DSCAM: variants seen among roughly 807,000 people sequenced by gnomAD.
DSCAM encodes the protein DS cell adhesion molecule, also known as cell adhesion molecule DSCAM.
A neutral mutation model predicts 217.7 loss-of-function variants in DSCAM; 47 were observed. The observed-to-expected ratio is 0.22, with a 90% confidence interval of 0.17 to 0.28. The LOEUF is 0.28. Among genes scored for constraint, DSCAM ranks in the 10% least tolerant of loss-of-function variants. DSCAM has a pLI of 1.00. For synonymous variants in DSCAM, 1,056 were observed against 1,015.3 expected, an observed-to-expected ratio of 1.04 and a Z score of -0.76; for missense variants, 2,080 against 2,618.3, an observed-to-expected ratio of 0.79 and a Z score of 4.49.
chr21:40,088,896 ATGT>A (rs1163355611), intron 21 of DSCAM, among the ~76,000 whole-genome samples: 1 of 152,228 alleles, frequency 6.6e-6, no homozygotes, highest in African/African-American at 2.4e-5. Context: ...ATGCATTGGG[ATGT>A]TGTGTATGTG....
At position 40,042,492 on chromosome 21, in the gene DSCAM, C is replaced by A. The variant is rs189404834; in HGVS notation, c.5565G>T (p.Thr1855=). The change falls in exon 32 of 33, where the codon ACG becomes ACT. Residue 1855 remains threonine (T), a synonymous_variant. Transcript: ENST00000400454. Reference sequence around the variant, plus strand: ...AAGGGGTGCTGGAGGTCAGACTGTCCGTGTACTCATTTGTCCCTGCCGTCA... The same window carrying A: ...AAGGGGTGCTGGAGGTCAGACTGTCAGTGTACTCATTTGTCCCTGCCGTCA... The part of the protein sequence containing the change: ...EQLTAGTNEY[T]DSLTSSTPSE... 1.2e-6 allele frequency: 2 copies of A among 1,614,028 alleles called. No individual in the cohort carries two copies. Among genetic ancestry groups the A allele is most frequent in the African/African-American group, 2.7e-5 (2 of 74,904 alleles).
chr21:40,689,701 T>C (rs764368863), intron 3 of DSCAM, among the ~76,000 whole-genome samples: 1 of 152,176 alleles, frequency 6.6e-6, no homozygotes, highest in Non-Finnish European at 1.5e-5. Context: ...CAGGCTGGGA[T>C]GACTTGATAA....
intron 1 of DSCAM, among the ~76,000 whole-genome samples, chr21:40,801,972 G>T (rs2091745787): frequency 6.6e-6 from 1 of 152,120 alleles, no homozygotes; most frequent in African/African-American, 2.4e-5. Context: ...TCCTTACCAG[G>T]GTAATATCTA....
intron 24 of DSCAM, 106 bp downstream of exon 24, chr21:40,083,802 G>A: frequency 8.1e-6 from 6 of 736,920 alleles, no homozygotes; most frequent in Non-Finnish European, 1.3e-5. Flanking sequence ...GTATTTTTGG[G>A]GGAGAATAAA....
chr21:40,533,422 C>G (rs1031207520), intron 3 of DSCAM, among the ~76,000 whole-genome samples: 1 of 152,104 alleles, frequency 6.6e-6, no homozygotes, highest in Non-Finnish European at 1.5e-5. Context: ...ATCCACCTAT[C>G]TATTTCCCCA....
intron 3 of DSCAM, among the ~76,000 whole-genome samples, chr21:40,507,781 C>G (rs895318723): frequency 6.6e-6 from 1 of 152,086 alleles, no homozygotes; most frequent in Non-Finnish European, 1.5e-5. Flanking sequence ...CAGCAAGACT[C>G]TGTCTCAAAA....
chr21:40,359,945 C>T (rs2074739584), intron 4 of DSCAM, among the ~76,000 whole-genome samples: 1 of 152,032 alleles, frequency 6.6e-6, no homozygotes. Flanking sequence ...AAGTAAACTA[C>T]CTCTCAACAA....
intron 11 of DSCAM, among the ~76,000 whole-genome samples, chr21:40,259,066 T>G (rs2073412089): frequency 6.6e-6 from 1 of 152,236 alleles, no homozygotes; most frequent in Non-Finnish European, 1.5e-5. Flanking sequence ...TTCTAACGTC[T>G]GGAAAGACAA....
At chr21:40,567,761 T>A (rs970349497) in intron 3 of DSCAM, among the ~76,000 whole-genome samples, 5 of 152,252 alleles carry the variant, frequency 3.3e-5, no homozygotes, top group African/African-American at 1.2e-4. Flanking sequence ...TTCCCAAACT[T>A]AGATTAGCAT....
chr21:40,725,885 A>G (rs1442988592), intron 1 of DSCAM, among the ~76,000 whole-genome samples: 1 of 152,200 alleles, frequency 6.6e-6, no homozygotes, highest in Non-Finnish European at 1.5e-5. Context: ...ACAATTTTAG[A>G]TCATGCAAAG....
At chr21:40,782,494 G>A (rs956630869) in intron 1 of DSCAM, among the ~76,000 whole-genome samples, 1 of 152,188 alleles carries the variant, frequency 6.6e-6, no homozygotes, top group South Asian at 2.1e-4. Context: ...TTGGGAGGCC[G>A]AGGCGGGAGG....
chr21:40,323,924 T>C (rs925646541), intron 8 of DSCAM, among the ~76,000 whole-genome samples: 7 of 151,528 alleles, frequency 4.6e-5, no homozygotes, highest in African/African-American at 1.7e-4. Context: ...GCCAACATAG[T>C]GAAACCCCAT....
intron 1 of DSCAM, among the ~76,000 whole-genome samples, chr21:40,753,549 G>A (rs138315781): frequency 1.6e-3 from 251 of 152,278 alleles, no homozygotes; most frequent in African/African-American, 5.8e-3. Flanking sequence ...CACACACATT[G>A]GTAACAAATA....
chr21:40,325,087 C>T (rs190161185), intron 8 of DSCAM, among the ~76,000 whole-genome samples: 5 of 152,150 alleles, frequency 3.3e-5, no homozygotes, highest in East Asian at 3.9e-4. Flanking sequence ...TTTTTCATGA[C>T]GTTGGCTTAG....
At chr21:40,510,152 C>A (rs773191406) in intron 3 of DSCAM, among the ~76,000 whole-genome samples, 21 of 152,052 alleles carry the variant, frequency 1.4e-4, no homozygotes, top group South Asian at 4.2e-4. Flanking sequence ...ATTGTCCCCC[C>A]CCAAAGCACT....
chr21:40,665,225 AGAGT>A, intron 3 of DSCAM, among the ~76,000 whole-genome samples: 1 of 152,342 alleles, frequency 6.6e-6, no homozygotes. Flanking sequence ...TGGCAAATTC[AGAGT>A]GAGTAGTCAA....
chr21:40,392,243 A>C, intron 3 of DSCAM, among the ~76,000 whole-genome samples: 1 of 152,170 alleles, frequency 6.6e-6, no homozygotes, highest in East Asian at 1.9e-4. Flanking sequence ...CCTATAAGTG[A>C]TATTTATGTA....
intron 15 of DSCAM, among the ~76,000 whole-genome samples, chr21:40,169,250 G>A (rs2090630309): frequency 6.6e-6 from 1 of 152,142 alleles, no homozygotes; most frequent in Non-Finnish European, 1.5e-5. Context: ...TAAACTTACT[G>A]GTTGAAAGAA....
At position 40,209,659 on chromosome 21, in the gene DSCAM, G is replaced by A. The variant is rs139490163; in HGVS notation, c.2357-20421C>T. On this transcript the variant is annotated intron_variant, in intron 11 of 32. Transcript: ENST00000400454. ...TATTCCTGTCCCAGGCTCCTCCTTG[G>A]ATGGATTCCAGGTCCCCAAGGCAAT... is the stretch of plus-strand genomic sequence containing the variant. Among the ~76,000 whole-genome samples the A allele has an allele frequency of 2.4e-4, 36 of 152,184 alleles. No individual in the cohort carries two copies. In the East Asian group the frequency reaches 6.2e-3, roughly 26 times the overall value.
Sources: allele counts gnomAD v4.1 joint callset (sites outside exome capture counted in the v4.1 genomes callset), GRCh38; gene constraint gnomAD v4.1.1; transcripts MANE v1.5; gene names NCBI Gene and HGNC (gene_info 2026-07-23, HGNC 2026-07-21).